The following FSD1L variants were observed in gnomAD, a reference collection of about 807,000 sequenced individuals.
FSD1L encodes the protein fibronectin type III and SPRY domain containing 1 like, also known as FSD1-like protein.
FSD1L carries 45 observed loss-of-function variants against 71.6 expected under a neutral mutation model. That is an observed-to-expected ratio of 0.63 (90% confidence interval 0.49 to 0.81). The LOEUF (loss-of-function observed/expected upper bound fraction) is 0.81, where lower values mean the gene tolerates loss of function less well. FSD1L is among the 30% of genes least tolerant of loss of function. The pLI is 0.00. For synonymous variants in FSD1L, 197 were observed against 207.2 expected, an observed-to-expected ratio of 0.95 and a Z score of 0.42; for missense variants, 561 against 618.1, an observed-to-expected ratio of 0.91 and a Z score of 0.98.
chr9:105,473,665 A>G (rs2131656638), intron 5 of FSD1L, among the ~76,000 whole-genome samples: 1 of 152,344 alleles, frequency 6.6e-6, no homozygotes, highest in East Asian at 1.9e-4. Flanking sequence ...CAGGAAAACT[A>G]TAGAATGTGG....
chr9:105,490,134 G>A (rs138855799), intron 7 of FSD1L, among the ~76,000 whole-genome samples: 16,346 of 152,204 alleles, frequency 0.11, 1,130 homozygotes, highest in Admixed American at 0.2. Flanking sequence ...GTGTAAAAGC[G>A]TTCCTATTTC....
upstream of FSD1L, among the ~76,000 whole-genome samples, chr9:105,446,014 C>A (rs187474970): frequency 8.0e-3 from 1,222 of 152,228 alleles, 10 homozygotes; most frequent in Middle Eastern, 0.02. Context: ...TTGTACATCT[C>A]TGTCCAGTTA....
intron 1 of FSD1L, among the ~76,000 whole-genome samples, chr9:105,453,723 T>A (rs567457217): frequency 6.6e-6 from 1 of 152,280 alleles, no homozygotes; most frequent in Admixed American, 6.5e-5. Flanking sequence ...GAAGCAGACC[T>A]TTTTTTAAAA....
chr9:105,471,239 A>G (rs368864807), intron 4 of FSD1L, among the ~76,000 whole-genome samples: 2 of 152,162 alleles, frequency 1.3e-5, no homozygotes, highest in African/African-American at 4.8e-5. Flanking sequence ...CCCCCTAGCC[A>G]TCCCTGGCAT....
At chr9:105,527,591 A>G (rs1342761984) in intron 10 of FSD1L, among the ~76,000 whole-genome samples, 8 of 152,128 alleles carry the variant, frequency 5.3e-5, no homozygotes, top group Admixed American at 3.3e-4. Flanking sequence ...TAAATACATC[A>G]TACTGGCAAG....
At chr9:105,539,607 CAT>C (rs1472521523) in intron 13 of FSD1L, among the ~76,000 whole-genome samples, 1 of 152,098 alleles carries the variant, frequency 6.6e-6, no homozygotes, top group South Asian at 2.1e-4. Context: ...GGACTGCACT[CAT>C]GTGTAACTAG....
In FSD1L at chr9:105,531,251, C is replaced by G. The variant is rs77425418; in HGVS notation, c.1026-3242C>G. Among the ~76,000 whole-genome samples the G allele has an allele frequency of 9.0e-3, 1,377 of 152,244 alleles. 22 individuals are homozygous for G. The highest frequency in any genetic ancestry group is 0.032 in the African/African-American group (1,320 of 41,532). ...GGTAATTTGCATTTTTAAAAGGTCC[C>G]CAAGTGATTCTGATGTGCAGCTGGG... is the stretch of plus-strand genomic sequence containing the variant. On this transcript the variant is annotated intron_variant, in intron 10 of 13. Transcript: ENST00000481272.
intron 7 of FSD1L, chr9:105,500,887 TTAA>T (rs1833718867): frequency 6.6e-6 from 1 of 152,360 alleles, no homozygotes; most frequent in Middle Eastern, 3.4e-3. Context: ...AAAACTCAGC[TTAA>T]TAATATCAGA....
intron 7 of FSD1L, among the ~76,000 whole-genome samples, chr9:105,495,178 G>T (rs1833277468): frequency 6.6e-6 from 1 of 152,208 alleles, no homozygotes; most frequent in African/African-American, 2.4e-5. Context: ...CGGCTGCTTT[G>T]TTGACCTAAG....
chr9:105,535,043 A>G (rs1418172510), intron 11 of FSD1L, 24 bp from the exon 12 acceptor site: 1 of 1,550,948 alleles, frequency 6.4e-7, no homozygotes, highest in African/African-American at 1.4e-5. Context: ...GATGAGTCAA[A>G]TCTACCTTTC....
chr9:105,482,851 T>G (rs1459595504), intron 6 of FSD1L, among the ~76,000 whole-genome samples: 1 of 152,194 alleles, frequency 6.6e-6, no homozygotes, highest in South Asian at 2.1e-4. Context: ...TAAAATACTT[T>G]CGGATTTTTT....
chr9:105,534,449 C>T lies in FSD1L; in HGVS notation c.1026-44C>T, dbSNP rs755867275. On this transcript the variant is annotated intron_variant, in intron 10 of 13. Coordinates refer to ENST00000481272, the MANE Select transcript of FSD1L (RefSeq NM_001145313.3). ...CTAGTTTTAGTTTATGAAACATTTA[C>T]AGTATAAAATATTTGTTTTTCTTTT... is the stretch of plus-strand genomic sequence containing the variant. 7 of 987,752 alleles carry T rather than the reference C, an allele frequency of 7.1e-6. No homozygotes were observed. In the South Asian group the frequency reaches 7.5e-5, roughly 11 times the overall value. 61.2% of individuals were successfully genotyped at this position (987,752 alleles called of 1,614,324 possible).
rs187336262 is a variant in FSD1L at position 105,456,316 on chromosome 9, C to T, written c.16-5204C>T. 1.4e-4 allele frequency among the ~76,000 whole-genome samples: 21 copies of T among 152,282 alleles called. No individual in the cohort carries two copies. The East Asian group carries it at 4.0e-3, about 29-fold the overall frequency. ...CAAGCTGCTTAACTTCTCCATGCGT[C>T]AGCTTCCTCATTGGAAAATGAGGAT... On this transcript the variant is annotated intron_variant, in intron 1 of 13. Transcript: ENST00000481272.
chr9:105,484,308 C>G, intron 6 of FSD1L, 73 bp from the exon 7 acceptor site: 1 of 1,164,502 alleles, frequency 8.6e-7, no homozygotes, highest in Non-Finnish European at 1.1e-6. Flanking sequence ...TTTGTCTTTT[C>G]ATTTTATAAA....
chr9:105,540,523 T>G (rs1328416153), intron 13 of FSD1L, among the ~76,000 whole-genome samples: 1 of 152,186 alleles, frequency 6.6e-6, no homozygotes, highest in African/African-American at 2.4e-5. Context: ...TTCTAAAAGC[T>G]TTACCTTGTA....
chr9:105,540,855 T>C (rs1836566931), intron 13 of FSD1L, among the ~76,000 whole-genome samples: 1 of 152,134 alleles, frequency 6.6e-6, no homozygotes, highest in South Asian at 2.1e-4. Context: ...TTTAAGCAAA[T>C]GTTATTGCTT....
chr9:105,446,517 A>G (rs935233719), upstream of FSD1L, among the ~76,000 whole-genome samples: 1 of 149,254 alleles, frequency 6.7e-6, no homozygotes, highest in Admixed American at 6.7e-5. Flanking sequence ...GGCTTGCAGC[A>G]CCACGTCTGG....
chr9:105,484,425 T>C lies in FSD1L; in HGVS notation c.509T>C (p.Val170Ala). The change falls in exon 7 of 14, where the codon GTC becomes GCC. Residue 170 changes from valine (V) to alanine (A), a missense_variant. Physicochemically the swap from Val to Ala is moderately conservative, Grantham distance 64 (BLOSUM62 0). Transcript: ENST00000481272. ...SAFRLSLKPK[V>A]SDNMTHLMVD... ...TTTCGCCTTTCTTTGAAACCAAAGG[T>C]CAGTGACAACATGACTCATTTAATG... 17 of 1,528,424 alleles carry C rather than the reference T, an allele frequency of 1.1e-5. No homozygotes were observed. The highest frequency in any genetic ancestry group is 1.5e-5 in the Non-Finnish European group (17 of 1,138,146). The allele number at this position is 1,528,424 out of a possible 1,614,324, so 94.7% of individuals were successfully genotyped here.
chr9:105,454,188 A>T (rs1356775186), intron 1 of FSD1L, among the ~76,000 whole-genome samples: 1 of 152,240 alleles, frequency 6.6e-6, no homozygotes, highest in Non-Finnish European at 1.5e-5. Context: ...TTTGGTATGC[A>T]TATAAAAACT....
Sources: gnomAD v4.1 joint callset for allele counts (sites outside exome capture counted in the v4.1 genomes callset) on GRCh38, gnomAD v4.1.1 for gene constraint, MANE v1.5 for transcripts, NCBI Gene and HGNC (gene_info 2026-07-23, HGNC 2026-07-21) for gene names.